Variants in PKP4 observed in about 807,000 individuals in gnomAD.
PKP4 encodes the protein plakophilin-4.
A neutral mutation model predicts 145.1 loss-of-function variants in PKP4; 90 were observed. That is an observed-to-expected ratio of 0.62 (90% CI 0.52 to 0.74). PKP4 has a LOEUF of 0.74. Ranked by LOEUF, PKP4 falls within the 30% of genes least tolerant of loss-of-function variation. The probability of loss-of-function intolerance (pLI) is 0.00; values close to 1 mark genes in which losing one functional copy is unlikely to be tolerated. For missense variants in PKP4, 1,340 were observed against 1,482.7 expected, an observed-to-expected ratio of 0.90 and a Z score of 1.58; for synonymous variants, 563 against 577.2, an observed-to-expected ratio of 0.98 and a Z score of 0.35.
intron 7 of PKP4, among the ~76,000 whole-genome samples, chr2:158,629,806 A>C (rs2053178702): frequency 6.6e-6 from 1 of 151,948 alleles, no homozygotes; most frequent in African/African-American, 2.4e-5. Flanking sequence ...CCGCCCCCAG[A>C]TTGAAGCAGT....
Position 158,669,878 on chromosome 2 carries a change from G to C in PKP4, c.2887G>C (p.Glu963Gln), listed in dbSNP as rs750120730. 2.5e-6 allele frequency: 4 copies of C among 1,613,440 alleles called. No homozygotes were observed. Residue 963 changes from glutamate to glutamine, a missense_variant, in exon 17 of 22, where the codon GAG (glutamate) becomes CAG (glutamine). Transcript: ENST00000389759. ...AGCCCTGGCCGACTCAGGAGGCATA[G>C]AGAAGCTGGTGAACATAACCAAAGG... Reference protein sequence around the residue: ...AKALADSGGIEKLVNITKGRG... With the variant: ...AKALADSGGIQKLVNITKGRG...
At chr2:158,489,513 C>T (rs1172757872) in intron 1 of PKP4, among the ~76,000 whole-genome samples, 1 of 152,138 alleles carries the variant, frequency 6.6e-6, no homozygotes. Flanking sequence ...TAAAATGTTC[C>T]AGCTACCCAT....
chr2:158,592,378 G>A (rs1236289005), intron 3 of PKP4, among the ~76,000 whole-genome samples: 1 of 152,012 alleles, frequency 6.6e-6, no homozygotes, highest in Non-Finnish European at 1.5e-5. Context: ...TCTTTTTCCA[G>A]GATAGTTATT....
chr2:158,655,040 C>T (rs1007149771), intron 11 of PKP4, among the ~76,000 whole-genome samples: 1 of 151,938 alleles, frequency 6.6e-6, no homozygotes, highest in Non-Finnish European at 1.5e-5. Context: ...TGTAGAATTT[C>T]AAACCTATAA....
intron 2 of PKP4, among the ~76,000 whole-genome samples, chr2:158,553,321 T>C (rs1388428963): frequency 6.6e-6 from 1 of 152,182 alleles, no homozygotes; most frequent in East Asian, 1.9e-4. Context: ...TGACTAGTGC[T>C]GAAGATATCA....
intron 6 of PKP4, 24 bp from the exon 7 acceptor site, chr2:158,624,854 T>C (rs2105899371): frequency 1.3e-6 from 2 of 1,542,346 alleles, no homozygotes; most frequent in Non-Finnish European, 1.8e-6. Context: ...AAACCCATTC[T>C]CTTTTTTCCC....
intron 11 of PKP4, among the ~76,000 whole-genome samples, chr2:158,648,511 C>A (rs1167139673): frequency 6.6e-6 from 1 of 152,162 alleles, no homozygotes; most frequent in South Asian, 2.1e-4. Flanking sequence ...AAACAGTTTA[C>A]GAAGCATGTC....
intron 4 of PKP4, among the ~76,000 whole-genome samples, chr2:158,617,254 A>C (rs925658844): frequency 6.6e-5 from 10 of 152,130 alleles, no homozygotes; most frequent in African/African-American, 2.4e-4. Context: ...TACATTTTCG[A>C]AGATGCTAAT....
At chr2:158,566,565 A>G (rs2047006996) in intron 2 of PKP4, among the ~76,000 whole-genome samples, 1 of 152,230 alleles carries the variant, frequency 6.6e-6, no homozygotes, top group African/African-American at 2.4e-5. Context: ...TAGCTAATCA[A>G]ATATTCAAGG....
At chr2:158,645,196 A>T (rs2528577) in intron 11 of PKP4, among the ~76,000 whole-genome samples, 4 of 152,102 alleles carry the variant, frequency 2.6e-5, no homozygotes, top group Admixed American at 6.5e-5. Flanking sequence ...TTAATGCTTT[A>T]GCGCTTCTAA....
rs562611360 is a variant in PKP4 at position 158,631,789 on chromosome 2, T to C, written c.1190T>C (p.Leu397Pro). The C allele has an allele frequency of 6.2e-7, 1 of 1,614,164 alleles. No individual in the cohort carries two copies. Among genetic ancestry groups the C allele is most frequent in the Admixed American group, 1.7e-5 (1 of 60,022 alleles). Residue 397 changes from leucine (L) to proline (P), a missense_variant, in exon 8 of 22, where the codon CTT becomes CCT. Leu to Pro is a moderately conservative substitution (Grantham distance 98). Coordinates refer to ENST00000389759, the MANE Select transcript of PKP4 (RefSeq NM_003628.6). ...TCCTATGCTAGTCAGCATAGTCAGC[T>C]TGGGCAAGACCTTCGTTCTGCCGTG... Reference protein sequence around the residue: ...RSSYASQHSQLGQDLRSAVSP... With the variant: ...RSSYASQHSQPGQDLRSAVSP...
intron 6 of PKP4, 42 bp from the exon 7 acceptor site, chr2:158,624,836 C>G: frequency 1.3e-6 from 2 of 1,487,792 alleles, no homozygotes; most frequent in Non-Finnish European, 1.8e-6. Context: ...GAACACAAAA[C>G]CCTGGATAAA....
intron 3 of PKP4, among the ~76,000 whole-genome samples, chr2:158,578,856 T>C (rs945809631): frequency 6.6e-6 from 1 of 152,106 alleles, no homozygotes; most frequent in Non-Finnish European, 1.5e-5. Context: ...TCCCCAGATA[T>C]TGAAACTAGA....
chr2:158,534,132 A>T (rs558811246), intron 2 of PKP4, among the ~76,000 whole-genome samples: 2 of 152,162 alleles, frequency 1.3e-5, no homozygotes, highest in South Asian at 2.1e-4. Flanking sequence ...AAGCCACTAG[A>T]TGTTTTTTTC....
intron 11 of PKP4, among the ~76,000 whole-genome samples, chr2:158,644,806 G>A (rs1429615157): frequency 1.3e-5 from 2 of 152,178 alleles, no homozygotes; most frequent in African/African-American, 2.4e-5. Flanking sequence ...TGTTTCTTTA[G>A]AGAACTCTGA....
chr2:158,543,160 A>G (rs2044672563), intron 2 of PKP4, among the ~76,000 whole-genome samples: 1 of 152,122 alleles, frequency 6.6e-6, no homozygotes, highest in Admixed American at 6.6e-5. Flanking sequence ...TTCAGTTCAG[A>G]TTTTTTTAAA....
In PKP4 at chr2:158,663,256, G is replaced by A. The variant is rs1377530952; in HGVS notation, c.2404-16G>A. The A allele has an allele frequency of 6.2e-7, 1 of 1,609,500 alleles. No individual in the cohort carries two copies. The highest frequency in any genetic ancestry group is 8.5e-7 in the Non-Finnish European group (1 of 1,177,836). ...TTCATTCTGCCTCCATTTAACGTGT[G>A]CTGTTTGTCTTTCAGTGGGATGGAG... On this transcript the variant is annotated splice_polypyrimidine_tract_variant and intron_variant, in intron 14 of 21. Transcript: ENST00000389759.
At chr2:158,677,518 C>T (rs548413528) in intron 20 of PKP4, among the ~76,000 whole-genome samples, 11 of 152,236 alleles carry the variant, frequency 7.2e-5, no homozygotes, top group Admixed American at 4.6e-4. Flanking sequence ...AACCGTCTGG[C>T]GATTATAACT....
At chr2:158,486,493 A>G (rs1694183159) in intron 1 of PKP4, among the ~76,000 whole-genome samples, 1 of 152,252 alleles carries the variant, frequency 6.6e-6, no homozygotes, top group Admixed American at 6.5e-5. Flanking sequence ...TTTGAGACCC[A>G]TAAGACCTAC....
Sources: gnomAD v4.1 joint callset for allele counts (sites outside exome capture counted in the v4.1 genomes callset) on GRCh38, gnomAD v4.1.1 for gene constraint, MANE v1.5 for transcripts, NCBI Gene and HGNC (gene_info 2026-07-23, HGNC 2026-07-21) for gene names.